KDM7A: variants seen among roughly 807,000 people sequenced by gnomAD.
KDM7A encodes the protein lysine demethylase 7A.
Under a neutral mutation model 114.8 loss-of-function variants are expected in KDM7A, and 28 were observed. The observed-to-expected ratio is 0.24, with a 90% CI of 0.18 to 0.33. The LOEUF is 0.33. Among genes scored for constraint, KDM7A ranks in the 10% least tolerant of loss-of-function variants. The probability of loss-of-function intolerance (pLI) is 1.00; values close to 1 mark genes in which losing one functional copy is unlikely to be tolerated. For synonymous variants in KDM7A, 423 were observed against 397.8 expected (o/e 1.06, Z -0.75); for missense variants, 942 against 1,142.5 (o/e 0.82, Z 2.53).
chr7:140,161,285 G>C (rs1794515694), intron 1 of KDM7A, among the ~76,000 whole-genome samples: 1 of 152,188 alleles, frequency 6.6e-6, no homozygotes, highest in African/African-American at 2.4e-5. Context: ...CCTTGGAGAG[G>C]AACACTCCCA....
In KDM7A at chr7:140,084,840, T is replaced by A. The variant is rs999294889; in HGVS notation, c.*6254A>T. 4 of 152,124 alleles carry A rather than the reference T, an allele frequency of 2.6e-5. No homozygotes were observed. The highest frequency in any genetic ancestry group is 5.9e-5 in the Non-Finnish European group (4 of 68,028). 9.4% of individuals were successfully genotyped at this position (152,124 alleles called of 1,614,324 possible). A position where few individuals can be genotyped will look rare whatever the true frequency, so the allele number is the denominator to read the frequency against. On this transcript the variant is annotated 3_prime_UTR_variant, in exon 20 of 20. Transcript: ENST00000397560. Reference sequence around the variant, plus strand: ...CAAACAAAATGAGCAAAAAATACACTAAGTGCTAAAAAAATCAAAACAGAA... The same window carrying A: ...CAAACAAAATGAGCAAAAAATACACAAAGTGCTAAAAAAATCAAAACAGAA...
At position 140,092,010 on chromosome 7, in the gene KDM7A, C is replaced by A. The variant is rs1427366530; in HGVS notation, c.2525G>T (p.Ser842Ile). Residue 842 changes from serine to isoleucine, a missense_variant, in exon 19 of 20, where the codon AGT becomes ATT. Transcript: ENST00000397560. ...GCCGCTGCTGTCCACATAATTCCTA[C>A]TTTGTACCCTCTGACTAATTTCTGA... ...GSSEISQRVQ[S>I]RNYVDSSGSS... 2 of 1,614,020 alleles carry A rather than the reference C, an allele frequency of 1.2e-6. No individual in the cohort carries two copies. The highest frequency in any genetic ancestry group is 1.7e-6 in the Non-Finnish European group (2 of 1,180,012).
chr7:140,109,451 G>T (rs1818397601), intron 11 of KDM7A, among the ~76,000 whole-genome samples: 1 of 152,200 alleles, frequency 6.6e-6, no homozygotes, highest in South Asian at 2.1e-4. Flanking sequence ...TCCACTGTGA[G>T]TATGTCCCAC....
rs1228231957 is a variant in KDM7A at position 140,085,761 on chromosome 7, G to T, written c.*5333C>A. On this transcript the variant is annotated 3_prime_UTR_variant, in exon 20 of 20. Coordinates refer to ENST00000397560, the MANE Select transcript of KDM7A (RefSeq NM_030647.2). ...AATAACCTTGGGGTTCACTTAGTAA[G>T]TTACACCTCAGGTCCCTGACTGTAA... The T allele has an allele frequency of 1.3e-5, 2 of 152,150 alleles. No individual in the cohort carries two copies. Among genetic ancestry groups the T allele is most frequent in the Non-Finnish European group, 1.5e-5 (1 of 68,032 alleles). 9.4% of individuals were successfully genotyped at this position (152,150 alleles called of 1,614,324 possible).
intron 1 of KDM7A, among the ~76,000 whole-genome samples, chr7:140,140,589 C>G (rs538065972): frequency 1.3e-5 from 2 of 152,150 alleles, no homozygotes; most frequent in Admixed American, 6.5e-5. Context: ...GTCTGGCCAA[C>G]ATGGGGAAAC....
chr7:140,118,235 G>C (rs958783494), intron 9 of KDM7A, among the ~76,000 whole-genome samples: 1 of 152,158 alleles, frequency 6.6e-6, no homozygotes. Flanking sequence ...TAGCACAAGA[G>C]GATGAAAAGC....
chr7:140,126,493 A>T lies in KDM7A; in HGVS notation c.888+144T>A, dbSNP rs533964717. 5.7e-5 allele frequency: 25 copies of T among 435,460 alleles called. No homozygotes were observed. In the South Asian group the frequency reaches 2.2e-3, roughly 38 times the overall value. The allele number at this position is 435,460 out of a possible 1,614,324, so 27.0% of individuals were successfully genotyped here. A position where few individuals can be genotyped will look rare whatever the true frequency, so the allele number is the denominator to read the frequency against. On this transcript the variant is annotated intron_variant, in intron 6 of 19. Coordinates refer to ENST00000397560, the MANE Select transcript of KDM7A (RefSeq NM_030647.2). ...AAAAAATCGTAACGTTTAAAGGCAA[A>T]GTGACAGTTCCTGGTTAAAAAGTAA...
intron 1 of KDM7A, 69 bp from the exon 2 acceptor site, chr7:140,139,259 G>T: frequency 9.5e-7 from 1 of 1,047,282 alleles, no homozygotes. Context: ...TAATACAGTG[G>T]TTGGAATTTA....
chr7:140,096,870 A>G, intron 16 of KDM7A, 29 bp downstream of exon 16: 3 of 1,606,232 alleles, frequency 1.9e-6, no homozygotes, highest in Non-Finnish European at 2.6e-6. Flanking sequence ...TTACAATATA[A>G]TAAGACTTAC....
intron 1 of KDM7A, among the ~76,000 whole-genome samples, chr7:140,161,100 G>A (rs145583659): frequency 5.3e-5 from 8 of 152,318 alleles, no homozygotes; most frequent in African/African-American, 1.2e-4. Context: ...GTTAAATTAC[G>A]TAAAAAGACT....
intron 1 of KDM7A, among the ~76,000 whole-genome samples, chr7:140,141,444 T>C (rs1794276127): frequency 6.6e-6 from 1 of 152,216 alleles, no homozygotes; most frequent in East Asian, 1.9e-4. Context: ...CAGATGCCAG[T>C]GCCCAAAACC....
chr7:140,123,052 T>C (rs1265734019), intron 7 of KDM7A, among the ~76,000 whole-genome samples: 1 of 152,192 alleles, frequency 6.6e-6, no homozygotes, highest in Non-Finnish European at 1.5e-5. Flanking sequence ...AGCAAAGGGT[T>C]TGAATAGACA....
intron 1 of KDM7A, among the ~76,000 whole-genome samples, chr7:140,159,092 T>C (rs1347384066): frequency 6.6e-6 from 1 of 152,218 alleles, no homozygotes; most frequent in Non-Finnish European, 1.5e-5. Context: ...ATACCTGTAA[T>C]CCCACACTTG....
intron 1 of KDM7A, among the ~76,000 whole-genome samples, chr7:140,168,176 C>A (rs1794598688): frequency 6.6e-6 from 1 of 152,162 alleles, no homozygotes; most frequent in Non-Finnish European, 1.5e-5. Flanking sequence ...CTGGTCCAAC[C>A]ATTCTAGAGA....
In KDM7A at chr7:140,085,335, C is replaced by T. The variant is rs1169578731; in HGVS notation, c.*5759G>A. ...AGTAAATACCAGAGCCAACAACTGT[C>T]CCCTCTCCAAAGTTCACAGATTTGA... On this transcript the variant is annotated 3_prime_UTR_variant, in exon 20 of 20. Coordinates refer to ENST00000397560, the MANE Select transcript of KDM7A (RefSeq NM_030647.2). 2.6e-5 allele frequency: 4 copies of T among 152,152 alleles called. No individual in the cohort carries two copies. Among genetic ancestry groups the T allele is most frequent in the African/African-American group, 9.7e-5 (4 of 41,428 alleles). The allele number at this position is 152,152 out of a possible 1,614,324, so 9.4% of individuals were successfully genotyped here.
intron 1 of KDM7A, among the ~76,000 whole-genome samples, chr7:140,170,701 G>A (rs1794629162): frequency 2.0e-5 from 3 of 152,142 alleles, no homozygotes; most frequent in African/African-American, 4.8e-5. Flanking sequence ...TAAAACATTC[G>A]ATAAGTGAGA....
intron 9 of KDM7A, among the ~76,000 whole-genome samples, chr7:140,117,994 A>G (rs1818559247): frequency 6.6e-6 from 1 of 152,182 alleles, no homozygotes; most frequent in Non-Finnish European, 1.5e-5. Flanking sequence ...GAGTTTTATC[A>G]TTTTAGTTCT....
chr7:140,106,637 C>T (rs961962313), intron 11 of KDM7A, among the ~76,000 whole-genome samples: 2 of 152,202 alleles, frequency 1.3e-5, no homozygotes, highest in African/African-American at 2.4e-5. Context: ...TTTGATTGCA[C>T]TGTGGTCTGA....
chr7:140,130,631 TAAATAAA>T (rs1818769340), intron 3 of KDM7A, among the ~76,000 whole-genome samples: 4 of 151,548 alleles, frequency 2.6e-5, no homozygotes, highest in Non-Finnish European at 5.9e-5. Flanking sequence ...CAAAAATAAA[TAAATAAA>T]AAATAAAAAA....
Sources: gnomAD v4.1 joint callset for allele counts (sites outside exome capture counted in the v4.1 genomes callset) on GRCh38, gnomAD v4.1.1 for gene constraint, MANE v1.5 for transcripts, NCBI Gene and HGNC (gene_info 2026-07-23, HGNC 2026-07-21) for gene names.